Variants in C5orf22 observed in about 807,000 individuals in gnomAD.
C5orf22 encodes the protein chromosome 5 open reading frame 22.
A neutral mutation model predicts 48.7 loss-of-function variants in C5orf22; 36 were observed. That is an observed-to-expected ratio of 0.74 (90% CI 0.57 to 0.98). The LOEUF (loss-of-function observed/expected upper bound fraction) is 0.98. Among genes scored for constraint, C5orf22 ranks in the 50% least tolerant of loss-of-function variants. The probability of loss-of-function intolerance (pLI) is 0.00; values close to 1 mark genes in which losing one functional copy is unlikely to be tolerated. For synonymous variants in C5orf22, 141 were observed against 180.8 expected (o/e 0.78, Z 1.76); for missense variants, 486 against 521.9 (o/e 0.93, Z 0.67).
chr5:31,545,537 C>T (rs1354453885), intron 6 of C5orf22, 109 bp from the exon 7 acceptor site: 17 of 756,390 alleles, frequency 2.2e-5, no homozygotes, highest in Non-Finnish European at 3.7e-5. Context: ...TCCCAAGTGC[C>T]ATATGAAGCA....
In C5orf22 at chr5:31,554,148, T is replaced by G. The variant is rs1337868478; in HGVS notation, c.*1246T>G. The G allele has an allele frequency of 6.6e-6, 1 of 152,234 alleles. No individual in the cohort carries two copies. The highest frequency in any genetic ancestry group is 2.4e-5 in the African/African-American group (1 of 41,450). 9.4% of individuals were successfully genotyped at this position (152,234 alleles called of 1,614,324 possible). A position where few individuals can be genotyped will look rare whatever the true frequency, so the allele number is the denominator to read the frequency against. The stretch of plus-strand genomic sequence containing the variant: ...AGTTCAGTAATTTTTACCTACCTAC[T>G]TGATTTATTTTCCTTTAAAAGGTGA... On this transcript the variant is annotated 3_prime_UTR_variant, in exon 9 of 9. Coordinates refer to ENST00000325366, the MANE Select transcript of C5orf22 (RefSeq NM_018356.3).
rs758813307 is a variant in C5orf22 at position 31,541,007 on chromosome 5, CAG to C, written c.869_870del (p.Glu290GlyfsTer8). On this transcript the variant is annotated frameshift_variant and splice_region_variant, in exon 5 of 9. Transcript: ENST00000325366. LOFTEE classifies it high-confidence loss of function. ...TTTAAGAAACCTGGCACCAACCTAA[CAG>C]AGGTATCCTCCATTTGTTTCTTTGG... The C allele has an allele frequency of 6.8e-6, 11 of 1,606,808 alleles. No homozygotes were observed. In the South Asian group the frequency reaches 1.2e-4, roughly 18 times the overall value.
In C5orf22 at chr5:31,548,655, C is replaced by T. The variant is rs899011699; in HGVS notation, c.1060-2638C>T. 1.5e-5 allele frequency: 6 copies of T among 394,036 alleles called. No homozygotes were observed. In the East Asian group the frequency reaches 4.6e-4, roughly 30 times the overall value. 24.4% of individuals were successfully genotyped at this position (394,036 alleles called of 1,614,324 possible). Reference sequence around the variant, plus strand: ...TGAGCCCTCCAAACTGTTCCAACCTCTGCCAGTTCCAAAGTTGCTTCCACA... The same window carrying T: ...TGAGCCCTCCAAACTGTTCCAACCTTTGCCAGTTCCAAAGTTGCTTCCACA... On this transcript the variant is annotated intron_variant, in intron 7 of 8. Transcript: ENST00000325366.
In C5orf22 at chr5:31,553,415, T is replaced by C. The variant is rs1743414383; in HGVS notation, c.*513T>C. 1 of 152,050 alleles carries C rather than the reference T, an allele frequency of 6.6e-6. No individual in the cohort carries two copies. The highest frequency in any genetic ancestry group is 1.5e-5 in the Non-Finnish European group (1 of 68,100). 9.4% of individuals were successfully genotyped at this position (152,050 alleles called of 1,614,324 possible). A position where few individuals can be genotyped will look rare whatever the true frequency, so the allele number is the denominator to read the frequency against. ...AAGGACAACAACAGACATGTCTTAG[T>C]ACTTAGGGTATCATGGCTTTATAGG... On this transcript the variant is annotated 3_prime_UTR_variant, in exon 9 of 9. Coordinates refer to ENST00000325366, the MANE Select transcript of C5orf22 (RefSeq NM_018356.3).
rs1371860939 is a variant in C5orf22, at chr5:31,554,505, A to T, written c.*1603A>T. 6.6e-6 allele frequency: 1 copy of T among 152,230 alleles called. No homozygotes were observed. Among genetic ancestry groups the T allele is most frequent in the Non-Finnish European group, 1.5e-5 (1 of 68,036 alleles). The allele number at this position is 152,230 out of a possible 1,614,324, so 9.4% of individuals were successfully genotyped here. On this transcript the variant is annotated 3_prime_UTR_variant, in exon 9 of 9. Coordinates refer to ENST00000325366, the MANE Select transcript of C5orf22 (RefSeq NM_018356.3). ...GCCTGACTCAGCTTTCCATTTTCAT[A>T]GGATAATATGTGCCAAAAAAGGTTT...
intron 1 of C5orf22, 57 bp from the exon 2 acceptor site, chr5:31,534,215 G>C: frequency 7.1e-7 from 1 of 1,412,530 alleles, no homozygotes; most frequent in Non-Finnish European, 9.8e-7. Context: ...GTCTGCAGTT[G>C]AGTGTGTGCT....
Position 31,545,838 on chromosome 5 carries a change from TAAGAA to T in C5orf22, c.1059+133_1059+137del, listed in dbSNP as rs1447838574. 9 of 598,352 alleles carry T rather than the reference TAAGAA, an allele frequency of 1.5e-5. No homozygotes were observed. The Admixed American group carries it at 1.9e-4, about 13-fold the overall frequency. 37.1% of individuals were successfully genotyped at this position (598,352 alleles called of 1,614,324 possible). ...TTCCTGTGAAGTCTGAAACAATTAT[TAAGAA>T]AAGAAATGAGTGAAAAAAATACATA... On this transcript the variant is annotated intron_variant, in intron 7 of 8. Transcript: ENST00000325366.
At chr5:31,533,397 G>C (rs1349868402) in intron 1 of C5orf22, among the ~76,000 whole-genome samples, 1 of 152,106 alleles carries the variant, frequency 6.6e-6, no homozygotes, top group East Asian at 1.9e-4. Context: ...AACAAAGGAG[G>C]CCCATGGATC....
At position 31,554,649 on chromosome 5, in the gene C5orf22, A is replaced by AT. The variant is rs1743486391; in HGVS notation, c.*1748dup. The AT allele has an allele frequency of 6.6e-6, 1 of 152,226 alleles. No individual in the cohort carries two copies. Among genetic ancestry groups the AT allele is most frequent in the African/African-American group, 2.4e-5 (1 of 41,472 alleles). The allele number at this position is 152,226 out of a possible 1,614,324, so 9.4% of individuals were successfully genotyped here. ...TTGCGTGCTAAATAAGTTAAAGGGT[A>AT]TGTTTTGAACTATAGCACTAATTAA... On this transcript the variant is annotated 3_prime_UTR_variant, in exon 9 of 9. Coordinates refer to ENST00000325366, the MANE Select transcript of C5orf22 (RefSeq NM_018356.3).
In C5orf22 at chr5:31,541,368, G is replaced by A. The variant is rs767757947; in HGVS notation, c.958G>A (p.Glu320Lys). The change falls in exon 6 of 9, where the codon GAA becomes AAA. Residue 320 changes from glutamate to lysine, a missense_variant. Physicochemically the swap from Glu to Lys is moderately conservative, Grantham distance 56. Around this residue, in one of 3 missense-constraint regions of C5orf22, gnomAD observed 408 missense variants for 444.0 expected, o/e 0.92. Coordinates refer to ENST00000325366, the MANE Select transcript of C5orf22 (RefSeq NM_018356.3). ...TFADLCDGDD[E>K]ETVQRWASNP... ...CGCTGATTTGTGTGATGGTGATGAT[G>A]AAGAAACGGTACAGAGATGGGCTTC... 1.9e-5 allele frequency: 30 copies of A among 1,614,086 alleles called. No homozygotes were observed. In the South Asian group the frequency reaches 2.6e-4, roughly 14 times the overall value.
rs760715623 is a variant in C5orf22 at position 31,541,375 on chromosome 5, C to T, written c.965C>T (p.Thr322Met). ...TTGTGTGATGGTGATGATGAAGAAA[C>T]GGTACAGAGATGGGCTTCAAACCCT... ...ADLCDGDDEE[T>M]VQRWASNPGM... The change falls in exon 6 of 9, where the codon ACG becomes ATG. Residue 322 changes from threonine (T) to methionine (M), a missense_variant. Coordinates refer to ENST00000325366, the MANE Select transcript of C5orf22 (RefSeq NM_018356.3). 4.3e-6 allele frequency: 7 copies of T among 1,613,860 alleles called. No homozygotes were observed. Among genetic ancestry groups the T allele is most frequent in the East Asian group, 2.2e-5 (1 of 44,886 alleles).
intron 4 of C5orf22, among the ~76,000 whole-genome samples, 197 bp downstream of exon 4, chr5:31,538,886 C>T (rs1254296519): frequency 1.3e-5 from 2 of 152,172 alleles, no homozygotes; most frequent in Admixed American, 6.6e-5. Flanking sequence ...GAGGGCCATA[C>T]ACAAACAGGC....
rs749068345 is a variant in C5orf22, at chr5:31,540,985, A to G, written c.844A>G (p.Lys282Glu). Residue 282 changes from lysine to glutamate, a missense_variant, in exon 5 of 9, where the codon AAG becomes GAG. By Grantham distance (56) the Lys-to-Glu change is moderately conservative. Around this residue, in one of 3 missense-constraint regions of C5orf22, gnomAD observed 408 missense variants for 444.0 expected, o/e 0.92. Coordinates refer to ENST00000325366, the MANE Select transcript of C5orf22 (RefSeq NM_018356.3). ...YKILQELYQFKKPGTNLTEED... is the reference protein window; with the variant it reads ...YKILQELYQFEKPGTNLTEED... ...AATCTTACAAGAGCTGTACCAATTT[A>G]AGAAACCTGGCACCAACCTAACAGA... is the stretch of plus-strand genomic sequence containing the variant. The G allele has an allele frequency of 6.2e-7, 1 of 1,612,852 alleles. No homozygotes were observed. The highest frequency in any genetic ancestry group is 8.5e-7 in the Non-Finnish European group (1 of 1,179,208).
chr5:31,535,914 A>C, intron 3 of C5orf22, 21 bp downstream of exon 3: 1 of 1,603,804 alleles, frequency 6.2e-7, no homozygotes, highest in Non-Finnish European at 8.5e-7. Context: ...CATATTTGTG[A>C]ATATGGAAGT....
intron 3 of C5orf22, among the ~76,000 whole-genome samples, chr5:31,537,390 TG>T (rs1295580215): frequency 6.6e-6 from 1 of 152,174 alleles, no homozygotes; most frequent in Non-Finnish European, 1.5e-5. Context: ...TAATTTAGGT[TG>T]GGGGATACAG....
chr5:31,537,215 A>G (rs1742150402), intron 3 of C5orf22, among the ~76,000 whole-genome samples: 1 of 152,200 alleles, frequency 6.6e-6, no homozygotes, highest in South Asian at 2.1e-4. Context: ...TTGAAACTCC[A>G]CGTGTGATTA....
intron 4 of C5orf22, among the ~76,000 whole-genome samples, chr5:31,540,273 T>A (rs1742372873): frequency 6.6e-6 from 1 of 152,212 alleles, no homozygotes; most frequent in African/African-American, 2.4e-5. Flanking sequence ...CCCTTGGGTA[T>A]AACCTTTTCC....
intron 7 of C5orf22, chr5:31,548,510 T>C (rs769836874): frequency 6.8e-6 from 3 of 444,212 alleles, no homozygotes; most frequent in South Asian, 4.8e-5. Flanking sequence ...GTTCTTCATC[T>C]CCATCTGAGA....
rs766207392 is a variant in C5orf22 at position 31,535,776 on chromosome 5, C to T, written c.260C>T (p.Ala87Val). The change falls in exon 3 of 9, where the codon GCA (alanine) becomes GTA (valine). Residue 87 changes from alanine to valine, a missense_variant. By Grantham distance (64) the Ala-to-Val change is moderately conservative. Around this residue, in one of 3 missense-constraint regions of C5orf22, gnomAD observed 408 missense variants for 444.0 expected, o/e 0.92. Transcript: ENST00000325366. ...ELSIENWIMP[A>V]VYAGHFSHVI... Reference sequence around the variant, plus strand: ...AGTATTGAAAATTGGATTATGCCTGCAGTTTATGCTGGCCATTTTTCACAT... The same window carrying T: ...AGTATTGAAAATTGGATTATGCCTGTAGTTTATGCTGGCCATTTTTCACAT... The T allele has an allele frequency of 6.2e-7, 1 of 1,610,970 alleles. No individual in the cohort carries two copies. The highest frequency in any genetic ancestry group is 1.1e-5 in the South Asian group (1 of 90,246).
Sources: allele counts gnomAD v4.1 joint callset (sites outside exome capture counted in the v4.1 genomes callset), GRCh38; gene constraint gnomAD v4.1.1; regional missense constraint gnomAD v4.1.1; transcripts MANE v1.5; gene names NCBI Gene and HGNC (gene_info 2026-07-23, HGNC 2026-07-21).